The following TNFSF4 variants were observed in gnomAD, a reference collection of about 807,000 sequenced individuals.
The protein encoded by TNFSF4 is tumor necrosis factor ligand superfamily member 4.
TNFSF4 carries 4 observed loss-of-function variants against 7.3 expected under a neutral mutation model. That is an observed-to-expected ratio of 0.55 (90% CI 0.27 to 1.25). The LOEUF (loss-of-function observed/expected upper bound fraction) is 1.25, where lower values mean the gene tolerates loss of function less well. TNFSF4 is among the 50% of genes most tolerant of loss of function. The probability of loss-of-function intolerance (pLI) is 0.12; values close to 1 mark genes in which losing one functional copy is unlikely to be tolerated. For missense variants in TNFSF4, 181 were observed against 208.8 expected (o/e 0.87, Z 0.82); for synonymous variants, 76 against 83.7 (o/e 0.91, Z 0.50).
At chr1:173,347,612 G>A in the TNFSF4 span, among the ~76,000 whole-genome samples, 1 of 152,246 alleles carries the variant, frequency 6.6e-6, no homozygotes, top group Non-Finnish European at 1.5e-5. Context: ...AAGAAGGCAG[G>A]CAGAAAGAAA....
the TNFSF4 span, among the ~76,000 whole-genome samples, chr1:173,272,347 A>T: frequency 1.3e-5 from 2 of 151,838 alleles, no homozygotes; most frequent in African/African-American, 2.4e-5. Flanking sequence ...GTATAATAAT[A>T]AAAAAAACAG....
At chr1:173,332,873 C>T in the TNFSF4 span, among the ~76,000 whole-genome samples, 2 of 152,104 alleles carry the variant, frequency 1.3e-5, no homozygotes, top group African/African-American at 2.4e-5. Flanking sequence ...CATAAATAAA[C>T]ATTTGTTGCA....
chr1:173,378,659 G>A, the TNFSF4 span, among the ~76,000 whole-genome samples: 224 of 152,188 alleles, frequency 1.5e-3, 1 homozygote, highest in African/African-American at 5.0e-3. Context: ...GAAAGCAAAT[G>A]GAGTGAAATA....
chr1:173,203,448 T>C (rs968942958), intron 1 of TNFSF4, among the ~76,000 whole-genome samples: 1 of 152,224 alleles, frequency 6.6e-6, no homozygotes, highest in Non-Finnish European at 1.5e-5. Context: ...TGCAGGTCTA[T>C]TGTTAAAAAA....
the TNFSF4 span, among the ~76,000 whole-genome samples, chr1:173,370,877 G>T: frequency 6.6e-6 from 1 of 152,182 alleles, no homozygotes. Context: ...CAATCACCCA[G>T]TAGGGCTTGT....
chr1:173,402,561 G>A, the TNFSF4 span, among the ~76,000 whole-genome samples: 12 of 152,312 alleles, frequency 7.9e-5, no homozygotes, highest in Admixed American at 7.2e-4. Context: ...CAGTCAGATG[G>A]AACGTATTAA....
the TNFSF4 span, among the ~76,000 whole-genome samples, chr1:173,331,601 A>G: frequency 6.6e-6 from 1 of 152,232 alleles, no homozygotes; most frequent in Non-Finnish European, 1.5e-5. Flanking sequence ...AAACTTTTGG[A>G]ATTTAACAAA....
the TNFSF4 span, among the ~76,000 whole-genome samples, chr1:173,365,450 C>T: frequency 1.3e-5 from 2 of 152,058 alleles, no homozygotes; most frequent in Non-Finnish European, 2.9e-5. Flanking sequence ...GGATCATTGT[C>T]CTATAATGAG....
the TNFSF4 span, among the ~76,000 whole-genome samples, chr1:173,266,821 A>C: frequency 2.0e-5 from 3 of 152,166 alleles, no homozygotes; most frequent in African/African-American, 4.8e-5. Context: ...GTAAGTGTTT[A>C]CTCAAATTTG....
the TNFSF4 span, among the ~76,000 whole-genome samples, chr1:173,212,869 A>G: frequency 6.6e-6 from 1 of 151,924 alleles, no homozygotes; most frequent in African/African-American, 2.4e-5. Flanking sequence ...TAAAAAATAA[A>G]ATAAAAATAA....
the TNFSF4 span, among the ~76,000 whole-genome samples, chr1:173,215,214 A>G: frequency 6.6e-6 from 1 of 152,044 alleles, no homozygotes; most frequent in South Asian, 2.1e-4. Context: ...AAGAACCCTC[A>G]CCAGAACCCA....
At chr1:173,228,332 C>A in the TNFSF4 span, among the ~76,000 whole-genome samples, 2 of 152,180 alleles carry the variant, frequency 1.3e-5, no homozygotes, top group Non-Finnish European at 2.9e-5. Flanking sequence ...TGGAGTGGAC[C>A]TCCAGCAAAC....
chr1:173,357,481 GGCCTCACAGCTC>G, the TNFSF4 span, among the ~76,000 whole-genome samples: 1 of 152,116 alleles, frequency 6.6e-6, no homozygotes, highest in Admixed American at 6.5e-5. Context: ...ATTTGTCCAA[GGCCTCACAGCTC>G]TGAAGCAGTT....
chr1:173,337,342 C>A, the TNFSF4 span, among the ~76,000 whole-genome samples: 1 of 152,112 alleles, frequency 6.6e-6, no homozygotes, highest in Non-Finnish European at 1.5e-5. Context: ...ATCTGACCCA[C>A]CAAGCCATAA....
chr1:173,255,089 G>A, the TNFSF4 span, among the ~76,000 whole-genome samples: 12,214 of 152,162 alleles, frequency 0.08, 855 homozygotes, highest in African/African-American at 0.19. Flanking sequence ...CAAGTAACCT[G>A]TGTGGTCATT....
At chr1:173,352,252 G>A in the TNFSF4 span, among the ~76,000 whole-genome samples, 52 of 152,258 alleles carry the variant, frequency 3.4e-4, no homozygotes, top group Middle Eastern at 3.4e-3. Context: ...CTTGTGTGTC[G>A]TCTTCTAAAG....
downstream of TNFSF4, among the ~76,000 whole-genome samples, chr1:173,181,336 G>A (rs547244373): frequency 6.6e-6 from 1 of 152,182 alleles, no homozygotes; most frequent in African/African-American, 2.4e-5. Context: ...GGCCAAGATC[G>A]TATAAATCAG....
the TNFSF4 span, among the ~76,000 whole-genome samples, chr1:173,223,818 G>A: frequency 2.0e-5 from 3 of 152,184 alleles, no homozygotes; most frequent in Admixed American, 6.5e-5. Context: ...CTCGTATCTT[G>A]TTCCAGCAAG....
chr1:173,296,116 T>G, the TNFSF4 span, among the ~76,000 whole-genome samples: 1 of 151,660 alleles, frequency 6.6e-6, no homozygotes, highest in Non-Finnish European at 1.5e-5. Context: ...ACAGAAGGAG[T>G]GCCTAGCCCA....
Sources: gnomAD v4.1 joint callset for allele counts (sites outside exome capture counted in the v4.1 genomes callset) on GRCh38, gnomAD v4.1.1 for gene constraint, MANE v1.5 for transcripts, NCBI Gene and HGNC (gene_info 2026-07-23, HGNC 2026-07-21) for gene names.